The following IPPK variants were observed in gnomAD, a reference collection of about 807,000 sequenced individuals.
The protein encoded by IPPK is IPK1 homolog.
IPPK carries 22 observed loss-of-function variants against 64.6 expected under a neutral mutation model. The ratio of observed to expected loss-of-function variants is 0.34; its 90% CI spans 0.24 to 0.49. The LOEUF (loss-of-function observed/expected upper bound fraction) is 0.49. IPPK is among the 20% of genes least tolerant of loss of function. The pLI, the probability that IPPK is intolerant of heterozygous loss-of-function variation, is 0.99. For missense variants in IPPK, 532 were observed against 630.7 expected, an observed-to-expected ratio of 0.84 and a Z score of 1.68; for synonymous variants, 262 against 247.2, an observed-to-expected ratio of 1.06 and a Z score of -0.56.
chr9:92,619,149 C>T (rs765605150), intron 12 of IPPK: 3 of 268,860 alleles, frequency 1.1e-5, no homozygotes, highest in Middle Eastern at 1.3e-3. Context: ...GGTACCCACA[C>T]ATCTCAGGGG....
At chr9:92,638,408 T>G (rs1851985925) in intron 8 of IPPK, 128 bp from the exon 9 acceptor site, 2 of 1,038,470 alleles carry the variant, frequency 1.9e-6, no homozygotes, top group African/African-American at 3.2e-5. Flanking sequence ...CCACCCAATC[T>G]GGGGCCGCTG....
At chr9:92,647,948 T>C (rs187927896) in intron 6 of IPPK, 111 bp downstream of exon 6, 1 of 675,718 alleles carries the variant, frequency 1.5e-6, no homozygotes, top group African/African-American at 1.8e-5. Context: ...AAATGTCAAC[T>C]AAAAATATCC....
intron 1 of IPPK, among the ~76,000 whole-genome samples, chr9:92,661,150 G>A (rs1033650560): frequency 6.6e-6 from 1 of 152,172 alleles, no homozygotes; most frequent in African/African-American, 2.4e-5. Context: ...CCTCCAAGAT[G>A]GGCAACTGAG....
chr9:92,619,821 C>T (rs776924667), intron 11 of IPPK: 4 of 523,524 alleles, frequency 7.6e-6, no homozygotes, highest in Non-Finnish European at 1.4e-5. Context: ...AGTGTGGGAC[C>T]CCGACTCCAG....
At chr9:92,637,256 A>C (rs1227362204) in intron 9 of IPPK, among the ~76,000 whole-genome samples, 1 of 152,216 alleles carries the variant, frequency 6.6e-6, no homozygotes, top group East Asian at 1.9e-4. Flanking sequence ...CAGTGAGTCG[A>C]GATCACACAA....
intron 1 of IPPK, among the ~76,000 whole-genome samples, chr9:92,664,181 G>A (rs1361335593): frequency 6.6e-6 from 1 of 152,266 alleles, no homozygotes; most frequent in Non-Finnish European, 1.5e-5. Flanking sequence ...TGTCCAGGAT[G>A]CGTAGGACCG....
At chr9:92,628,392 A>G (rs1369497448) in intron 11 of IPPK, among the ~76,000 whole-genome samples, 2 of 152,250 alleles carry the variant, frequency 1.3e-5, no homozygotes, top group African/African-American at 4.8e-5. Context: ...GACCAAAGTT[A>G]GAGAACTCAC....
intron 3 of IPPK, among the ~76,000 whole-genome samples, chr9:92,655,179 A>G (rs532420228): frequency 2.0e-5 from 3 of 152,190 alleles, no homozygotes; most frequent in African/African-American, 7.2e-5. Flanking sequence ...CTTGCCCCAC[A>G]ACAAACAGGA....
chr9:92,627,970 G>T (rs1851764964), intron 11 of IPPK, among the ~76,000 whole-genome samples: 1 of 152,046 alleles, frequency 6.6e-6, no homozygotes. Flanking sequence ...AAAACTATTA[G>T]AACATACAAA....
chr9:92,630,699 G>A (rs1419622148), intron 11 of IPPK, among the ~76,000 whole-genome samples: 1 of 151,648 alleles, frequency 6.6e-6, no homozygotes, highest in Non-Finnish European at 1.5e-5. Context: ...AAGACAAACA[G>A]AACAATACTG....
chr9:92,624,373 T>C (rs1288736681), intron 11 of IPPK, among the ~76,000 whole-genome samples: 1 of 151,914 alleles, frequency 6.6e-6, no homozygotes, highest in African/African-American at 2.4e-5. Context: ...GGCTGAGTAT[T>C]ACTTGAACCC....
chr9:92,634,619 C>G (rs1363061093), intron 10 of IPPK, 131 bp from the exon 11 acceptor site: 4 of 661,352 alleles, frequency 6.0e-6, no homozygotes, highest in Non-Finnish European at 1.1e-5. Context: ...CATAACAGAT[C>G]TATCTCCCTC....
intron 1 of IPPK, among the ~76,000 whole-genome samples, chr9:92,658,882 T>A (rs532356552): frequency 2.0e-5 from 3 of 152,206 alleles, no homozygotes; most frequent in Non-Finnish European, 2.9e-5. Context: ...CCAAGAACCT[T>A]CAGCCTCTGA....
chr9:92,633,457 T>C (rs1175351130), intron 11 of IPPK, among the ~76,000 whole-genome samples: 1 of 152,186 alleles, frequency 6.6e-6, no homozygotes, highest in African/African-American at 2.4e-5. Context: ...CCCCGCAGCC[T>C]TGACTGCATC....
chr9:92,631,159 A>G (rs1851835320), intron 11 of IPPK, among the ~76,000 whole-genome samples: 1 of 151,852 alleles, frequency 6.6e-6, no homozygotes, highest in Non-Finnish European at 1.5e-5. Context: ...AATGAAGACA[A>G]TATTCCCTCT....
At chr9:92,660,979 C>A (rs1168265523) in intron 1 of IPPK, among the ~76,000 whole-genome samples, 1 of 152,196 alleles carries the variant, frequency 6.6e-6, no homozygotes, top group African/African-American at 2.4e-5. Context: ...GAGCCTAAAT[C>A]ATTGAGGACT....
At chr9:92,638,711 G>C (rs566884015) in intron 8 of IPPK, among the ~76,000 whole-genome samples, 31 of 152,360 alleles carry the variant, frequency 2.0e-4, no homozygotes, top group African/African-American at 7.5e-4. Context: ...CACCACAAAC[G>C]AGTGTGTCCT....
intron 11 of IPPK, among the ~76,000 whole-genome samples, chr9:92,621,847 GAA>G (rs1490860145): frequency 6.6e-6 from 1 of 152,180 alleles, no homozygotes. Context: ...AGGCAACAGA[GAA>G]AGAGTAAACA....
At chr9:92,642,612 G>A in intron 7 of IPPK, 140 bp downstream of exon 7, 2 of 688,480 alleles carry the variant, frequency 2.9e-6, no homozygotes, top group Non-Finnish European at 5.2e-6. Flanking sequence ...AGCGCTGATG[G>A]CAAAAGAGAG....
Sources: gnomAD v4.1 joint callset for allele counts (sites outside exome capture counted in the v4.1 genomes callset) on GRCh38, gnomAD v4.1.1 for gene constraint, MANE v1.5 for transcripts, NCBI Gene and HGNC (gene_info 2026-07-23, HGNC 2026-07-21) for gene names.